DPYD: variants seen among roughly 807,000 people sequenced by gnomAD.
The protein encoded by DPYD is dihydropyrimidine dehydrogenase [NADP(+)].
In DPYD, 109 loss-of-function variants were observed where a neutral mutation model predicts 116.2. The observed-to-expected ratio is 0.94, with a 90% CI of 0.80 to 1.10. The LOEUF is 1.10. Among genes scored for constraint, DPYD ranks in the 50% least tolerant of loss-of-function variants. The pLI is 0.00. For missense variants in DPYD, 1,302 were observed against 1,254.5 expected, an observed-to-expected ratio of 1.04 and a Z score of -0.57; for synonymous variants, 440 against 432.0, an observed-to-expected ratio of 1.02 and a Z score of -0.23.
intron 4 of DPYD, among the ~76,000 whole-genome samples, chr1:97,733,283 T>C (rs972543180): frequency 1.2e-4 from 19 of 152,092 alleles, no homozygotes; most frequent in Non-Finnish European, 2.5e-4. Flanking sequence ...TGAATTTTAA[T>C]ATATTGTTTT....
intron 20 of DPYD, among the ~76,000 whole-genome samples, chr1:97,160,063 A>G (rs574763174): frequency 2.2e-4 from 34 of 152,038 alleles, no homozygotes; most frequent in Admixed American, 3.9e-4. Flanking sequence ...ATAGTGTTTT[A>G]CTGTTTGGGT....
At chr1:97,635,478 T>C (rs1024347606) in intron 8 of DPYD, among the ~76,000 whole-genome samples, 4 of 152,190 alleles carry the variant, frequency 2.6e-5, no homozygotes, top group Admixed American at 6.5e-5. Context: ...AACGATGTAA[T>C]TGGCACCCAC....
At chr1:97,567,773 A>G (rs574774873) in intron 11 of DPYD, among the ~76,000 whole-genome samples, 1 of 152,296 alleles carries the variant, frequency 6.6e-6, no homozygotes, top group African/African-American at 2.4e-5. Flanking sequence ...AAACAAAAAA[A>G]TGTGGTCCAA....
intron 16 of DPYD, among the ~76,000 whole-genome samples, chr1:97,369,944 A>G (rs1045002894): frequency 6.6e-5 from 10 of 152,324 alleles, no homozygotes; most frequent in Middle Eastern, 6.8e-3. Flanking sequence ...ATCACTAAGT[A>G]AAATACTGCC....
rs557523406 is a variant in DPYD at position 97,277,973 on chromosome 1, T to C, written c.2299+27286A>G. 2.0e-5 allele frequency among the ~76,000 whole-genome samples: 3 copies of C among 152,330 alleles called. No individual in the cohort carries two copies. In the East Asian group the frequency reaches 5.8e-4, roughly 29 times the overall value. The stretch of plus-strand genomic sequence containing the variant: ...TCCTTATTGCTGTTTCTGAGCATTC[T>C]ACTATATTTAGCCCTTTGTCTTTGG... On this transcript the variant is annotated intron_variant, in intron 18 of 22. Coordinates refer to ENST00000370192, the MANE Select transcript of DPYD (RefSeq NM_000110.4).
At chr1:97,377,154 C>A (rs1157451007) in intron 15 of DPYD, among the ~76,000 whole-genome samples, 1 of 151,828 alleles carries the variant, frequency 6.6e-6, no homozygotes, top group Admixed American at 6.6e-5. Flanking sequence ...GATATTTGCA[C>A]AGAAGAGTTC....
intron 19 of DPYD, among the ~76,000 whole-genome samples, chr1:97,202,721 C>A (rs1456654310): frequency 1.3e-5 from 2 of 152,210 alleles, no homozygotes; most frequent in Non-Finnish European, 2.9e-5. Context: ...GCAGGCGAGA[C>A]TGCCCTGCCC....
intron 4 of DPYD, among the ~76,000 whole-genome samples, chr1:97,723,691 T>C (rs560973335): frequency 2.6e-5 from 4 of 151,716 alleles, no homozygotes; most frequent in African/African-American, 9.6e-5. Flanking sequence ...TACCACTGTG[T>C]TTGTCAGAGT....
In DPYD at chr1:97,868,086, CA is replaced by C. The variant is rs373009707; in HGVS notation, c.150+15177del. 7.6e-3 allele frequency among the ~76,000 whole-genome samples: 1,079 copies of C among 142,468 alleles called. 12 individuals are homozygous for C. Among genetic ancestry groups the C allele is most frequent in the African/African-American group, 0.02 (769 of 39,042 alleles). 93.5% of individuals were successfully genotyped at this position (142,468 alleles called of 152,430 possible). On this transcript the variant is annotated intron_variant, in intron 2 of 22. Transcript: ENST00000370192. Reference sequence around the variant, plus strand: ...ATCTACACATTAACAATAAACCACCCAAAAAAAAAAGAAATCAAGAAAACAA... The same window carrying C: ...ATCTACACATTAACAATAAACCACCCAAAAAAAAAGAAATCAAGAAAACAA...
intron 3 of DPYD, among the ~76,000 whole-genome samples, chr1:97,767,115 T>C (rs895564710): frequency 5.3e-5 from 8 of 152,198 alleles, no homozygotes; most frequent in African/African-American, 1.9e-4. Context: ...GCTCCTGTTT[T>C]TCCCCTTTTT....
chr1:97,594,795 T>C (rs1654762173), intron 9 of DPYD, among the ~76,000 whole-genome samples: 1 of 152,162 alleles, frequency 6.6e-6, no homozygotes, highest in Non-Finnish European at 1.5e-5. Context: ...CTTGCTTACC[T>C]TGAAGCAATT....
chr1:97,115,609 T>C (rs934403706), intron 20 of DPYD, among the ~76,000 whole-genome samples: 117 of 152,320 alleles, frequency 7.7e-4, no homozygotes, highest in African/African-American at 2.5e-3. Flanking sequence ...CACACTACTT[T>C]TATAATGAGG....
chr1:97,506,268 T>C (rs1647323939), intron 13 of DPYD, among the ~76,000 whole-genome samples: 1 of 151,962 alleles, frequency 6.6e-6, no homozygotes, highest in African/African-American at 2.4e-5. Flanking sequence ...TAGTAGTTAC[T>C]AGAATCTTAT....
intron 20 of DPYD, among the ~76,000 whole-genome samples, chr1:97,191,189 T>G (rs1658333208): frequency 6.6e-6 from 1 of 151,374 alleles, no homozygotes; most frequent in Non-Finnish European, 1.5e-5. Flanking sequence ...ATAAAAAATA[T>G]AAACATAATA....
In DPYD at chr1:97,863,123, T is replaced by C. The variant is rs368330143; in HGVS notation, c.150+20141A>G. Among the ~76,000 whole-genome samples, 11 of 152,012 alleles carry C rather than the reference T, an allele frequency of 7.2e-5. No individual in the cohort carries two copies. The East Asian group carries it at 1.9e-3, about 27-fold the overall frequency. On this transcript the variant is annotated intron_variant, in intron 2 of 22. Transcript: ENST00000370192. ...TGAAATATAATAATAATGATATTAA[T>C]CATTAGGATAAAATGTGATATGGTA...
At chr1:97,763,036 G>A (rs1665661348) in intron 3 of DPYD, among the ~76,000 whole-genome samples, 2 of 152,010 alleles carry the variant, frequency 1.3e-5, no homozygotes, top group South Asian at 2.1e-4. Context: ...AGTAGTAAAT[G>A]TCCAATAAAT....
chr1:97,527,265 G>C (rs931274915), intron 12 of DPYD, among the ~76,000 whole-genome samples: 6 of 152,018 alleles, frequency 3.9e-5, no homozygotes, highest in Admixed American at 3.9e-4. Context: ...TTTTTGTAGA[G>C]ACAGGGTTTC....
chr1:97,511,340 TAAC>T (rs1450276308), intron 13 of DPYD, among the ~76,000 whole-genome samples: 1 of 151,994 alleles, frequency 6.6e-6, no homozygotes, highest in Non-Finnish European at 1.5e-5. Context: ...TGAATAATGA[TAAC>T]AACTATAACA....
At chr1:97,549,482 T>C (rs551684310) in intron 12 of DPYD, 78 bp downstream of exon 12, 10 of 1,461,920 alleles carry the variant, frequency 6.8e-6, no homozygotes, top group Middle Eastern at 1.7e-4. Flanking sequence ...AGAAATGCTC[T>C]TATAGATGAG....
Sources: gnomAD v4.1 joint callset for allele counts (sites outside exome capture counted in the v4.1 genomes callset) on GRCh38, gnomAD v4.1.1 for gene constraint, MANE v1.5 for transcripts, NCBI Gene and HGNC (gene_info 2026-07-23, HGNC 2026-07-21) for gene names.